The following MTMR8 variants were observed in gnomAD, a reference collection of about 807,000 sequenced individuals.
MTMR8 encodes the protein myotubularin related protein 8.
A neutral mutation model predicts 39.3 loss-of-function variants in MTMR8; 65 were observed. That is an observed-to-expected ratio of 1.65 (90% CI 1.35 to 2.03). The LOEUF (loss-of-function observed/expected upper bound fraction) is 2.03. Ranked by LOEUF, MTMR8 falls within the 30% of genes most tolerant of loss-of-function variation. MTMR8 has a pLI of 0.00. For synonymous variants in MTMR8, 245 were observed against 185.2 expected (o/e 1.32, Z -2.62); for missense variants, 777 against 538.9 (o/e 1.44, Z -4.37).
chrX:64,301,536 C>T (rs1350616142), intron 12 of MTMR8, among the ~76,000 whole-genome samples: 1 of 111,099 alleles, frequency 9.0e-6, no homozygotes, highest in African/African-American at 3.3e-5. Context: ...CCTCCCGTAG[C>T]TCAGAGTAAT....
chrX:64,331,835 G>T, intron 10 of MTMR8, 78 bp from the exon 11 acceptor site: 1 of 884,546 alleles, frequency 1.1e-6, no homozygotes, highest in East Asian at 3.3e-5. Flanking sequence ...GCTGTAAGAG[G>T]GTCATCTTTT....
chrX:64,271,616 A>G (rs1373824456), intron 12 of MTMR8, among the ~76,000 whole-genome samples: 3 of 112,550 alleles, frequency 2.7e-5, no homozygotes, highest in African/African-American at 9.7e-5. Context: ...GCACAGTGCC[A>G]TAGGATCAGG....
intron 8 of MTMR8, among the ~76,000 whole-genome samples, chrX:64,343,377 G>T (rs1210906793): frequency 1.8e-5 from 2 of 111,477 alleles, no homozygotes; most frequent in African/African-American, 6.5e-5. Flanking sequence ...AAAGAATTCT[G>T]TGGCCACCTA....
intron 12 of MTMR8, among the ~76,000 whole-genome samples, chrX:64,280,818 G>C (rs1223691652): frequency 9.0e-6 from 1 of 111,436 alleles, no homozygotes; most frequent in Non-Finnish European, 1.9e-5. Flanking sequence ...CAGTTCAAAA[G>C]CTCCTTAAGC....
chrX:64,388,045 T>G (rs979100986), intron 1 of MTMR8, among the ~76,000 whole-genome samples: 6 of 111,385 alleles, frequency 5.4e-5, no homozygotes, highest in African/African-American at 2.0e-4. Flanking sequence ...TAATCCACGT[T>G]TATCTGTTTG....
chrX:64,276,823 C>A (rs913972962), intron 12 of MTMR8, among the ~76,000 whole-genome samples: 2 of 111,343 alleles, frequency 1.8e-5, no homozygotes, highest in Non-Finnish European at 3.8e-5. Flanking sequence ...GAGTTCAAGT[C>A]TCATTGATCT....
intron 12 of MTMR8, among the ~76,000 whole-genome samples, chrX:64,319,911 T>C (rs1233983446): frequency 1.8e-5 from 2 of 111,467 alleles, no homozygotes; most frequent in Non-Finnish European, 3.8e-5. Context: ...CCATATGAAC[T>C]TTAAAGTAGT....
chrX:64,315,379 TACTCTCAGTGCCTTCCCTCTGCCC>T (rs1314510596), intron 12 of MTMR8, among the ~76,000 whole-genome samples: 2 of 111,604 alleles, frequency 1.8e-5, no homozygotes, highest in African/African-American at 3.3e-5. Flanking sequence ...TCCCTCTGCC[TACTCTCAGTGCCTTCCCTCTGCCC>T]ACTCTCAGTG....
chrX:64,392,277 G>T (rs775210924), intron 1 of MTMR8, among the ~76,000 whole-genome samples: 1 of 112,058 alleles, frequency 8.9e-6, no homozygotes, highest in Non-Finnish European at 1.9e-5. Context: ...TGTACTATTG[G>T]CAAAAGGCAG....
At chrX:64,366,970 C>A (rs1923981499) in intron 1 of MTMR8, among the ~76,000 whole-genome samples, 2 of 111,670 alleles carry the variant, frequency 1.8e-5, no homozygotes, top group South Asian at 7.4e-4. Flanking sequence ...TCAGAGAATA[C>A]TATAAACACC....
At chrX:64,380,919 T>G (rs765071510) in intron 1 of MTMR8, among the ~76,000 whole-genome samples, 25 of 112,077 alleles carry the variant, frequency 2.2e-4, no homozygotes, top group African/African-American at 3.9e-4. Flanking sequence ...ACAAAGGACA[T>G]GAACTCATCA....
At chrX:64,394,951 C>T (rs1924782895) in intron 1 of MTMR8, among the ~76,000 whole-genome samples, 1 of 112,311 alleles carries the variant, frequency 8.9e-6, no homozygotes, top group Non-Finnish European at 1.9e-5. Context: ...AGTAACTCCG[C>T]AGGAGGCAGA....
chrX:64,340,223 C>T (rs1205017403), intron 8 of MTMR8, among the ~76,000 whole-genome samples: 1 of 111,536 alleles, frequency 9.0e-6, no homozygotes, highest in African/African-American at 3.3e-5. Flanking sequence ...GTTAAAAGTA[C>T]AGAGGTTTCC....
intron 1 of MTMR8, among the ~76,000 whole-genome samples, chrX:64,377,541 T>C (rs996507993): frequency 8.9e-6 from 1 of 112,637 alleles, no homozygotes; most frequent in African/African-American, 3.2e-5. Flanking sequence ...ATGGTGCCTC[T>C]TTGTTTTGGC....
chrX:64,324,734 A>G (rs977043100), intron 12 of MTMR8, among the ~76,000 whole-genome samples: 1 of 93,815 alleles, frequency 1.1e-5, no homozygotes, highest in Non-Finnish European at 2.0e-5. Context: ...AAATGGCCCT[A>G]CCCCTATCTC....
In MTMR8 at chrX:64,354,837, A is replaced by G. The variant is rs746610585; in HGVS notation, c.408T>C (p.Phe136=). Residue 136 remains phenylalanine (F), a synonymous_variant, in exon 4 of 14, where the codon TTT becomes TTC. Transcript: ENST00000374852. ...GWKLIDPISD[F]GRMGIPNRNW... is the part of the protein sequence containing the mutation. ...TTCTGTTGGGTATTCCCATACGCCCAAAGTCTGATATTGGGTCAATCAGTT... is the reference window on the plus strand; with the variant it reads ...TTCTGTTGGGTATTCCCATACGCCCGAAGTCTGATATTGGGTCAATCAGTT... 7.5e-6 allele frequency: 9 copies of G among 1,205,537 alleles called. No homozygotes were observed. Among genetic ancestry groups the G allele is most frequent in the Non-Finnish European group, 1.0e-5 (9 of 892,286 alleles).
chrX:64,382,090 CT>C (rs1276993586), intron 1 of MTMR8, among the ~76,000 whole-genome samples: 1 of 111,494 alleles, frequency 9.0e-6, no homozygotes, highest in African/African-American at 3.3e-5. Context: ...AATGTGGGCT[CT>C]TTTTTGGTTC....
At chrX:64,384,257 G>C (rs1452906260) in intron 1 of MTMR8, among the ~76,000 whole-genome samples, 1 of 112,033 alleles carries the variant, frequency 8.9e-6, no homozygotes, top group Non-Finnish European at 1.9e-5. Flanking sequence ...GTTTTGCATT[G>C]TTCAGAACCT....
At chrX:64,338,476 G>T (rs1923132507) in intron 8 of MTMR8, among the ~76,000 whole-genome samples, 1 of 112,314 alleles carries the variant, frequency 8.9e-6, no homozygotes, top group Admixed American at 9.4e-5. Context: ...GTAACAGCGT[G>T]TACATTGCAA....
Sources: allele counts gnomAD v4.1 joint callset (sites outside exome capture counted in the v4.1 genomes callset), GRCh38; gene constraint gnomAD v4.1.1; transcripts MANE v1.5; gene names NCBI Gene and HGNC (gene_info 2026-07-23, HGNC 2026-07-21).